CCSER1: variants seen among roughly 807,000 people sequenced by gnomAD.
The protein encoded by CCSER1 is coiled-coil serine rich protein 1.
CCSER1 carries 41 observed loss-of-function variants against 82.0 expected under a neutral mutation model. That is an observed-to-expected ratio of 0.50 (90% CI 0.39 to 0.65). The LOEUF (loss-of-function observed/expected upper bound fraction) is 0.65. CCSER1 is among the 30% of genes least tolerant of loss of function. CCSER1 has a pLI of 0.00. For synonymous variants in CCSER1, 414 were observed against 383.9 expected (o/e 1.08, Z -0.92); for missense variants, 1,119 against 1,064.2 (o/e 1.05, Z -0.72).
intron 1 of CCSER1, among the ~76,000 whole-genome samples, chr4:90,297,348 C>G (rs1237869144): frequency 6.6e-6 from 1 of 150,802 alleles, no homozygotes; most frequent in African/African-American, 2.5e-5. Flanking sequence ...GATTTTATAT[C>G]CTGAGACTTT....
intron 9 of CCSER1, among the ~76,000 whole-genome samples, chr4:91,013,170 C>G (rs1280230714): frequency 7.4e-6 from 1 of 134,434 alleles, no homozygotes; most frequent in African/African-American, 2.5e-5. Flanking sequence ...TAATGTCACA[C>G]TCTCTTTTCC....
intron 3 of CCSER1, among the ~76,000 whole-genome samples, chr4:90,367,919 A>G (rs971493186): frequency 6.6e-6 from 1 of 151,942 alleles, no homozygotes; most frequent in Non-Finnish European, 1.5e-5. Context: ...ATAGAAAATT[A>G]CTGAAAAAAA....
chr4:91,060,646 A>G (rs960382408), intron 9 of CCSER1, among the ~76,000 whole-genome samples: 2 of 151,954 alleles, frequency 1.3e-5, no homozygotes, highest in East Asian at 3.9e-4. Flanking sequence ...CTTCAGGGTT[A>G]GTTAGTTGCT....
intron 1 of CCSER1, among the ~76,000 whole-genome samples, chr4:90,263,389 C>T (rs1402936759): frequency 6.6e-6 from 1 of 152,146 alleles, no homozygotes; most frequent in Non-Finnish European, 1.5e-5. Context: ...GAAGCAGCAC[C>T]AGCTCTGATG....
At chr4:90,981,455 G>A (rs1736106637) in intron 9 of CCSER1, among the ~76,000 whole-genome samples, 1 of 151,772 alleles carries the variant, frequency 6.6e-6, no homozygotes, top group Non-Finnish European at 1.5e-5. Context: ...ATACAATATT[G>A]CAAAGATAAT....
chr4:90,370,396 T>G (rs1458379126), intron 3 of CCSER1: 3 of 152,060 alleles, frequency 2.0e-5, no homozygotes, highest in Non-Finnish European at 4.4e-5. Context: ...TTCTAGAAAA[T>G]TAAGTATAAA....
At chr4:90,314,241 G>T (rs1371072587) in intron 3 of CCSER1, among the ~76,000 whole-genome samples, 5 of 152,112 alleles carry the variant, frequency 3.3e-5, no homozygotes, top group African/African-American at 9.7e-5. Context: ...TGTACATATG[G>T]AAACATATAT....
Position 90,825,783 on chromosome 4 carries a change from G to A in CCSER1, c.2094+9938G>A, listed in dbSNP as rs531068736. On this transcript the variant is annotated intron_variant, in intron 8 of 10. Transcript: ENST00000509176. ...TCTCGCTCTGTCACCAGACTGGAGT[G>A]TAGGGGTGCAATCTCGGATCACTGC... Among the ~76,000 whole-genome samples the A allele has an allele frequency of 2.4e-3, 350 of 146,050 alleles. 1 individual carries two copies. Among genetic ancestry groups the A allele is most frequent in the Non-Finnish European group, 4.5e-3 (300 of 66,930 alleles).
intron 9 of CCSER1, among the ~76,000 whole-genome samples, chr4:91,026,743 G>C (rs1740521225): frequency 6.6e-6 from 1 of 151,982 alleles, no homozygotes. Flanking sequence ...TGAGTTAATA[G>C]CTTAGTGTAA....
chr4:91,136,537 A>T (rs779432359), intron 10 of CCSER1, among the ~76,000 whole-genome samples: 31 of 152,152 alleles, frequency 2.0e-4, no homozygotes, highest in Admixed American at 6.5e-4. Context: ...TTTCAATACT[A>T]TTTAATTTAT....
At chr4:91,373,059 A>G (rs547945793) in intron 10 of CCSER1, among the ~76,000 whole-genome samples, 2 of 152,216 alleles carry the variant, frequency 1.3e-5, no homozygotes, top group South Asian at 4.1e-4. Context: ...TGCAGGCAGA[A>G]ACACTGAAAT....
At chr4:90,624,887 A>G (rs1216267329) in intron 5 of CCSER1, among the ~76,000 whole-genome samples, 1 of 152,224 alleles carries the variant, frequency 6.6e-6, no homozygotes, top group Non-Finnish European at 1.5e-5. Flanking sequence ...GTTGACACAG[A>G]GAGGATGAAC....
chr4:90,911,469 G>T, intron 8 of CCSER1: 1 of 309,266 alleles, frequency 3.2e-6, no homozygotes, highest in African/African-American at 2.2e-5. Context: ...TGTCTCTCTT[G>T]CTTTTGTTTT....
intron 2 of CCSER1, among the ~76,000 whole-genome samples, chr4:90,309,948 T>G (rs1735003609): frequency 6.6e-6 from 1 of 152,160 alleles, no homozygotes; most frequent in Non-Finnish European, 1.5e-5. Flanking sequence ...TTCTCCAAAG[T>G]AAGGACTGTC....
chr4:90,152,935 G>A (rs562529034), intron 1 of CCSER1, among the ~76,000 whole-genome samples: 2 of 150,114 alleles, frequency 1.3e-5, no homozygotes, highest in African/African-American at 4.9e-5. Flanking sequence ...TGCACAATGT[G>A]CAGGTTAGTT....
intron 1 of CCSER1, among the ~76,000 whole-genome samples, chr4:90,306,620 T>G (rs1734329761): frequency 6.6e-6 from 1 of 152,238 alleles, no homozygotes; most frequent in Non-Finnish European, 1.5e-5. Context: ...AGCAAATATT[T>G]GTCATTTTTG....
intron 1 of CCSER1, among the ~76,000 whole-genome samples, chr4:90,277,014 G>A (rs1214017520): frequency 2.0e-5 from 3 of 151,592 alleles, no homozygotes; most frequent in Non-Finnish European, 4.4e-5. Context: ...AGTCTTTAGA[G>A]TTTTCTAGGT....
intron 10 of CCSER1, among the ~76,000 whole-genome samples, chr4:91,095,025 C>T (rs966211117): frequency 3.9e-5 from 6 of 152,228 alleles, no homozygotes; most frequent in African/African-American, 1.2e-4. Context: ...CGGAGACTCC[C>T]GTTGCTCCAA....
At chr4:91,018,816 A>G (rs1277757979) in intron 9 of CCSER1, among the ~76,000 whole-genome samples, 1 of 152,040 alleles carries the variant, frequency 6.6e-6, no homozygotes, top group Non-Finnish European at 1.5e-5. Flanking sequence ...TAAGTGTTGT[A>G]AATTCAAATG....
Sources: gnomAD v4.1 joint callset for allele counts (sites outside exome capture counted in the v4.1 genomes callset) on GRCh38, gnomAD v4.1.1 for gene constraint, MANE v1.5 for transcripts, NCBI Gene and HGNC (gene_info 2026-07-23, HGNC 2026-07-21) for gene names.